NMNAT3: variants seen among roughly 807,000 people sequenced by gnomAD.
The protein encoded by NMNAT3 is nicotinamide nucleotide adenylyltransferase 3.
NMNAT3 carries 21 observed loss-of-function variants against 24.8 expected under a neutral mutation model. The observed-to-expected ratio is 0.85, with a 90% confidence interval of 0.60 to 1.22. The LOEUF (loss-of-function observed/expected upper bound fraction) is 1.22, where lower values mean the gene tolerates loss of function less well. NMNAT3 is among the 50% of genes most tolerant of loss of function. The probability of loss-of-function intolerance (pLI) is 0.00; values close to 1 mark genes in which losing one functional copy is unlikely to be tolerated. For synonymous variants in NMNAT3, 136 were observed against 155.2 expected, an observed-to-expected ratio of 0.88 and a Z score of 0.92; for missense variants, 387 against 436.6, an observed-to-expected ratio of 0.89 and a Z score of 1.01.
intron 3 of NMNAT3, among the ~76,000 whole-genome samples, chr3:139,604,329 T>A (rs774770438): frequency 2.0e-5 from 3 of 152,226 alleles, no homozygotes; most frequent in Non-Finnish European, 2.9e-5. Flanking sequence ...GTGTTTAATT[T>A]ACTCAACTAT....
At chr3:139,587,910 G>T (rs990289866) in intron 3 of NMNAT3, among the ~76,000 whole-genome samples, 7 of 152,100 alleles carry the variant, frequency 4.6e-5, no homozygotes, top group African/African-American at 1.7e-4. Flanking sequence ...GAAGGACAGG[G>T]CTCTCTCCAG....
intron 3 of NMNAT3, chr3:139,609,982 A>C (rs2055132276): frequency 6.6e-6 from 1 of 152,208 alleles, no homozygotes; most frequent in Non-Finnish European, 1.5e-5. Flanking sequence ...ATAAGCAAAA[A>C]ATAAAACAAA....
chr3:139,664,962 A>G (rs1471650520), intron 1 of NMNAT3, among the ~76,000 whole-genome samples: 1 of 152,234 alleles, frequency 6.6e-6, no homozygotes, highest in Non-Finnish European at 1.5e-5. Context: ...CTTCCTTGAC[A>G]AAGGAGAATT....
At chr3:139,574,090 A>T (rs528026747) in intron 5 of NMNAT3, among the ~76,000 whole-genome samples, 1 of 152,382 alleles carries the variant, frequency 6.6e-6, no homozygotes, top group East Asian at 1.9e-4. Context: ...ACCTACTTTT[A>T]GGCTCTTGTG....
chr3:139,671,217 C>T (rs1399414176), intron 1 of NMNAT3, among the ~76,000 whole-genome samples: 7 of 152,104 alleles, frequency 4.6e-5, no homozygotes, highest in Admixed American at 4.6e-4. Context: ...TTAGAGGGTT[C>T]CCTTGAAGAC....
At chr3:139,628,635 G>A (rs1300682482) in intron 2 of NMNAT3, among the ~76,000 whole-genome samples, 3 of 152,168 alleles carry the variant, frequency 2.0e-5, no homozygotes, top group Non-Finnish European at 4.4e-5. Context: ...AAGGTGAGAA[G>A]GAAACAGCCC....
At chr3:139,591,821 T>G (rs1326038390) in intron 3 of NMNAT3, among the ~76,000 whole-genome samples, 1 of 123,454 alleles carries the variant, frequency 8.1e-6, no homozygotes. Context: ...CCATCTGTAC[T>G]TCACCATCAT....
intron 1 of NMNAT3, among the ~76,000 whole-genome samples, chr3:139,642,212 A>G (rs557403926): frequency 1.3e-5 from 2 of 152,332 alleles, no homozygotes; most frequent in South Asian, 2.1e-4. Flanking sequence ...TTATTATTAT[A>G]TAAACTGCTA....
Position 139,593,508 on chromosome 3 carries a change from AT to A in NMNAT3, c.110-10301del, listed in dbSNP as rs2054299266. 2.0e-5 allele frequency among the ~76,000 whole-genome samples: 3 copies of A among 152,178 alleles called. No homozygotes were observed. In the South Asian group the frequency reaches 6.2e-4, roughly 32 times the overall value. On this transcript the variant is annotated intron_variant, in intron 3 of 6. Transcript: ENST00000643695. ...TCTACCCCAAATCAACAGAATATAC[AT>A]TTTTTTCAGCACCACACCCCACCTA...
chr3:139,627,374 A>G (rs747857757), intron 3 of NMNAT3, among the ~76,000 whole-genome samples: 4 of 152,114 alleles, frequency 2.6e-5, no homozygotes, highest in Non-Finnish European at 4.4e-5. Flanking sequence ...TTCATTGCCA[A>G]TGTGAGGTGG....
intron 3 of NMNAT3, among the ~76,000 whole-genome samples, chr3:139,608,399 T>G (rs549272742): frequency 1.3e-5 from 2 of 152,340 alleles, no homozygotes; most frequent in East Asian, 3.9e-4. Flanking sequence ...AGAATAGGAA[T>G]GTTAAAACTT....
At chr3:139,649,321 G>GC (rs2056977057) in intron 1 of NMNAT3, among the ~76,000 whole-genome samples, 1 of 103,298 alleles carries the variant, frequency 9.7e-6, no homozygotes, top group Non-Finnish European at 2.0e-5. Context: ...GGCAAGCAAA[G>GC]AAAACAAACA....
chr3:139,608,101 C>T (rs1301135107), intron 3 of NMNAT3, among the ~76,000 whole-genome samples: 1 of 152,216 alleles, frequency 6.6e-6, no homozygotes, highest in Non-Finnish European at 1.5e-5. Context: ...AAGCCAACTG[C>T]TGGTTCTCCA....
intron 3 of NMNAT3, among the ~76,000 whole-genome samples, chr3:139,585,851 C>A (rs2053916173): frequency 6.6e-6 from 1 of 152,202 alleles, no homozygotes; most frequent in Non-Finnish European, 1.5e-5. Flanking sequence ...ATCTAGTTTA[C>A]CTTACCCCGG....
rs142132300 is a variant in NMNAT3, at chr3:139,663,937, C to T, written c.-141+13768G>A. 9.2e-4 allele frequency among the ~76,000 whole-genome samples: 140 copies of T among 152,340 alleles called. 1 individual carries two copies. The highest frequency in any genetic ancestry group is 2.9e-3 in the African/African-American group (122 of 41,576). The stretch of plus-strand genomic sequence containing the variant: ...TCTTCACCCCAATGCCCTCCAAGCA[C>T]ACCACACAAATCTGAAGTCAACTAC... On this transcript the variant is annotated intron_variant, in intron 1 of 6. Coordinates refer to ENST00000643695, the MANE Select transcript of NMNAT3 (RefSeq NM_001320510.2).
At chr3:139,562,968 C>G (rs1003960505) in intron 6 of NMNAT3, among the ~76,000 whole-genome samples, 1 of 152,102 alleles carries the variant, frequency 6.6e-6, no homozygotes, top group African/African-American at 2.4e-5. Flanking sequence ...CACCTTACAC[C>G]CAAATTCTGG....
At chr3:139,659,911 C>T (rs530070523) in intron 1 of NMNAT3, among the ~76,000 whole-genome samples, 4 of 152,312 alleles carry the variant, frequency 2.6e-5, no homozygotes, top group African/African-American at 7.2e-5. Context: ...TAGAAATGCA[C>T]GTTTTTAGAT....
intron 4 of NMNAT3, among the ~76,000 whole-genome samples, chr3:139,581,930 C>T (rs144421424): frequency 1.3e-5 from 2 of 151,922 alleles, no homozygotes; most frequent in African/African-American, 2.4e-5. Flanking sequence ...TGCGGTGGCT[C>T]ATGCCTGTAA....
intron 3 of NMNAT3, among the ~76,000 whole-genome samples, chr3:139,616,503 C>G (rs972958110): frequency 6.6e-6 from 1 of 152,126 alleles, no homozygotes; most frequent in African/African-American, 2.4e-5. Context: ...ATAAATGTCT[C>G]TCTCCAGTCT....
Sources: allele counts gnomAD v4.1 joint callset (sites outside exome capture counted in the v4.1 genomes callset), GRCh38; gene constraint gnomAD v4.1.1; transcripts MANE v1.5; gene names NCBI Gene and HGNC (gene_info 2026-07-23, HGNC 2026-07-21).